The following FGF13 variants were observed in gnomAD, a reference collection of about 807,000 sequenced individuals.
FGF13 encodes fibroblast growth factor 13.
In FGF13, 2 loss-of-function variants were observed where a neutral mutation model predicts 19.5. That is an observed-to-expected ratio of 0.10 (90% confidence interval 0.04 to 0.32). The LOEUF (loss-of-function observed/expected upper bound fraction) is 0.32. Ranked by LOEUF, FGF13 falls within the 10% of genes least tolerant of loss-of-function variation. The pLI is 1.00. For missense variants in FGF13, 113 were observed against 192.7 expected, an observed-to-expected ratio of 0.59 and a Z score of 2.45; for synonymous variants, 72 against 76.9, an observed-to-expected ratio of 0.94 and a Z score of 0.33.
At chrX:139,001,946 C>T (rs1453885005) in intron 1 of FGF13, among the ~76,000 whole-genome samples, 5 of 111,765 alleles carry the variant, frequency 4.5e-5, no homozygotes, top group African/African-American at 1.6e-4. Context: ...ACCCAAATGC[C>T]CATCAATGAT....
chrX:139,065,498 A>AAAG (rs1556350640), intron 1 of FGF13, among the ~76,000 whole-genome samples: 3 of 84,225 alleles, frequency 3.6e-5, no homozygotes, highest in Non-Finnish European at 6.9e-5. Flanking sequence ...AAAAAAAAGA[A>AAAG]AAAGAAAAAA....
At chrX:138,782,501 C>G (rs1169677949) in intron 3 of FGF13, among the ~76,000 whole-genome samples, 1 of 110,013 alleles carries the variant, frequency 9.1e-6, no homozygotes, top group Non-Finnish European at 1.9e-5. Context: ...AAATCACAAG[C>G]ATTCCTATAC....
upstream of FGF13, among the ~76,000 whole-genome samples, chrX:138,713,731 C>T (rs762306777): frequency 8.9e-6 from 1 of 111,921 alleles, no homozygotes; most frequent in Non-Finnish European, 1.9e-5. Flanking sequence ...ATTTTCAGGA[C>T]GCCTGTAGAA....
chrX:138,658,435 T>C (rs1173049453), intron 3 of FGF13, among the ~76,000 whole-genome samples: 3 of 112,530 alleles, frequency 2.7e-5, no homozygotes, highest in East Asian at 2.8e-4. Context: ...ATGATTCTAA[T>C]TGGACTTTTT....
chrX:139,049,717 G>A (rs2092298385), intron 1 of FGF13, among the ~76,000 whole-genome samples: 1 of 112,679 alleles, frequency 8.9e-6, no homozygotes, highest in African/African-American at 3.2e-5. Context: ...CTTGCTGACT[G>A]AATGACTTTT....
intron 1 of FGF13, among the ~76,000 whole-genome samples, chrX:139,051,625 T>C (rs2092303459): frequency 8.9e-6 from 1 of 112,275 alleles, no homozygotes; most frequent in Non-Finnish European, 1.9e-5. Flanking sequence ...GAAAGTAAGA[T>C]CCACAACATT....
intron 1 of FGF13, among the ~76,000 whole-genome samples, chrX:139,102,766 G>A (rs775149620): frequency 1.2e-4 from 13 of 112,447 alleles, no homozygotes; most frequent in Non-Finnish European, 2.4e-4. Context: ...CCGTACAGAC[G>A]GTGAGAGGCT....
chrX:138,779,098 G>C (rs2090616255), intron 3 of FGF13, among the ~76,000 whole-genome samples: 1 of 111,576 alleles, frequency 9.0e-6, no homozygotes, highest in Non-Finnish European at 1.9e-5. Context: ...ACCTGCAGCT[G>C]AGGTTCCTGT....
rs191510767 is a variant in FGF13 at position 138,700,231 on chromosome X, C to A, written c.402+2753G>T. On this transcript the variant is annotated intron_variant, in intron 3 of 4. Coordinates refer to ENST00000315930, the MANE Select transcript of FGF13 (RefSeq NM_004114.5). ...TTAAGCAGACTGTAGTCATCCCTCA[C>A]CAATTTTTTTTAACTTGCCCACATC... Among the ~76,000 whole-genome samples the A allele has an allele frequency of 2.4e-4, 27 of 111,321 alleles. No individual in the cohort carries two copies. The East Asian group carries it at 7.7e-3, about 32-fold the overall frequency.
intron 1 of FGF13, among the ~76,000 whole-genome samples, chrX:139,037,586 T>A (rs112015472): frequency 0.096 from 10,693 of 111,381 alleles, 423 homozygotes; most frequent in South Asian, 0.19. Context: ...TTTTCTCACC[T>A]TTTCCAGCTT....
At chrX:139,100,051 C>CACACACACACACAT (rs1439431492) in intron 1 of FGF13, among the ~76,000 whole-genome samples, 11 of 102,419 alleles carry the variant, frequency 1.1e-4, no homozygotes, top group African/African-American at 4.2e-4. Context: ...AACACACACA[C>CACACACACACACAT]ACACACACAC....
rs34651307 is a variant in FGF13 at position 139,017,339 on chromosome X, G to GTATATATATATA, written c.-112-152701_-112-152690dup. ...ATATATGTATTACATATACATGTAT[G>GTATATATATATA]TATATATATATATACACACACACAC... is the stretch of plus-strand genomic sequence containing the variant. On this transcript the variant is annotated intron_variant, in intron 1 of 2. Transcript: ENST00000421460. Among the ~76,000 whole-genome samples, 657 of 100,161 alleles carry GTATATATATATA rather than the reference G, an allele frequency of 6.6e-3. 9 individuals are homozygous for GTATATATATATA. Among genetic ancestry groups the GTATATATATATA allele is most frequent in the African/African-American group, 0.023 (620 of 27,014 alleles). The allele number at this position is 100,161 out of a possible 115,157, so 87.0% of individuals were successfully genotyped here.
chrX:139,004,801 G>A (rs2092093513), intron 1 of FGF13, among the ~76,000 whole-genome samples: 1 of 112,319 alleles, frequency 8.9e-6, no homozygotes, highest in Non-Finnish European at 1.9e-5. Flanking sequence ...CTGTGGGCCT[G>A]TAGTGGTGGC....
At chrX:139,127,599 C>T (rs1031438871) in intron 1 of FGF13, among the ~76,000 whole-genome samples, 5 of 111,671 alleles carry the variant, frequency 4.5e-5, no homozygotes, top group African/African-American at 1.3e-4. Context: ...GCATGCCAAT[C>T]GTACATGGCA....
In FGF13 at chrX:139,066,096, C is replaced by T. The variant is rs61222843; in HGVS notation, c.-113+137320G>A. Among the ~76,000 whole-genome samples, 1,011 of 111,589 alleles carry T rather than the reference C, an allele frequency of 9.1e-3. 10 individuals carry two copies. The highest frequency in any genetic ancestry group is 0.03 in the African/African-American group (933 of 30,694). ...TACTGGGTAAATAATGAAATGAAGA[C>T]AGAAATAAAGATGTTCTTTGAAACC... On this transcript the variant is annotated intron_variant, in intron 1 of 2. Coordinates refer to the FGF13 transcript ENST00000421460.
intron 3 of FGF13, chrX:138,806,960 G>A (rs897943047): frequency 9.0e-6 from 1 of 111,321 alleles, no homozygotes; most frequent in African/African-American, 3.3e-5. Flanking sequence ...TATCAAATTG[G>A]TGGAGAAAAA....
chrX:138,654,415 CA>C (rs760728859), intron 3 of FGF13, among the ~76,000 whole-genome samples: 2 of 112,071 alleles, frequency 1.8e-5, no homozygotes, highest in South Asian at 7.4e-4. Context: ...AAATCTGCTT[CA>C]AGGTGAGTGA....
intron 3 of FGF13, among the ~76,000 whole-genome samples, chrX:138,775,263 C>T (rs780560744): frequency 1.8e-5 from 2 of 112,184 alleles, no homozygotes; most frequent in East Asian, 5.6e-4. Flanking sequence ...CCCAGCTCTT[C>T]GTGTTCTTTG....
intron 1 of FGF13, among the ~76,000 whole-genome samples, chrX:138,725,448 T>TA (rs1294378925): frequency 1.8e-5 from 2 of 111,269 alleles, no homozygotes; most frequent in African/African-American, 6.5e-5. Context: ...ACCCAGGGGA[T>TA]AAAACTCCCT....
Sources: gnomAD v4.1 joint callset for allele counts (sites outside exome capture counted in the v4.1 genomes callset) on GRCh38, gnomAD v4.1.1 for gene constraint, MANE v1.5 for transcripts, NCBI Gene and HGNC (gene_info 2026-07-23, HGNC 2026-07-21) for gene names.